Variants in ABR observed in about 807,000 individuals in gnomAD.
ABR encodes the protein active breakpoint cluster region-related protein.
A neutral mutation model predicts 107.2 loss-of-function variants in ABR; 35 were observed. The ratio of observed to expected loss-of-function variants is 0.33; its 90% CI spans 0.25 to 0.43. The LOEUF (loss-of-function observed/expected upper bound fraction) is 0.43. Ranked by LOEUF, ABR falls within the 20% of genes least tolerant of loss-of-function variation. The pLI is 1.00. For missense variants in ABR, 815 were observed against 1,115.2 expected, an observed-to-expected ratio of 0.73 and a Z score of 3.83; for synonymous variants, 498 against 462.0, an observed-to-expected ratio of 1.08 and a Z score of -1.00.
intron 16 of ABR, among the ~76,000 whole-genome samples, chr17:1,033,056 T>G (rs2072930108): frequency 6.6e-6 from 1 of 151,194 alleles, no homozygotes; most frequent in African/African-American, 2.4e-5. Flanking sequence ...GATGGGGAGG[T>G]CCCTCCAAAG....
At chr17:1,074,806 C>T (rs1156643435) in intron 6 of ABR, among the ~76,000 whole-genome samples, 5 of 152,174 alleles carry the variant, frequency 3.3e-5, no homozygotes, top group African/African-American at 1.2e-4. Flanking sequence ...ATTAGCCAGG[C>T]GTGGTGGCAC....
At chr17:1,201,278 G>A (rs895096656) in intron 1 of ABR, among the ~76,000 whole-genome samples, 3 of 152,102 alleles carry the variant, frequency 2.0e-5, no homozygotes, top group African/African-American at 4.8e-5. Flanking sequence ...CCCGGTTCAC[G>A]GCCTGGTGTC....
Position 1,037,659 on chromosome 17 carries a change from T to C in ABR, c.1791+12391A>G, listed in dbSNP as rs926776887. On this transcript the variant is annotated intron_variant, in intron 16 of 22. Coordinates refer to ENST00000302538, the MANE Select transcript of ABR (RefSeq NM_021962.5). The surrounding 1 kb of genome is among the most constrained non-coding windows in gnomAD (Gnocchi z 4.6). ...GAGCCCCCCTGGGCTGCTTGCCTGC[T>C]CCTCCTCCCGGGAAGGAGGGGGTGT... is the stretch of plus-strand genomic sequence containing the variant. 6.6e-6 allele frequency among the ~76,000 whole-genome samples: 1 copy of C among 151,930 alleles called. No individual in the cohort carries two copies. Among genetic ancestry groups the C allele is most frequent in the African/African-American group, 2.4e-5 (1 of 41,358 alleles).
At chr17:1,104,605 C>T (rs1321319390) in intron 2 of ABR, among the ~76,000 whole-genome samples, 3 of 152,214 alleles carry the variant, frequency 2.0e-5, no homozygotes, top group Non-Finnish European at 2.9e-5. Flanking sequence ...GGTGGCCGTG[C>T]CTGGGGCTTA....
chr17:1,032,845 C>T (rs780838369), intron 16 of ABR, among the ~76,000 whole-genome samples: 18 of 152,198 alleles, frequency 1.2e-4, no homozygotes, highest in Non-Finnish European at 1.6e-4. Flanking sequence ...TCTGGGGCCT[C>T]GGACCTCTGC....
chr17:1,212,083 G>GA (rs58750976), intron 1 of ABR, among the ~76,000 whole-genome samples: 2 of 144,692 alleles, frequency 1.4e-5, no homozygotes, highest in African/African-American at 5.3e-5. Context: ...ACCCCATCTC[G>GA]AAAAAAAAAA....
intron 2 of ABR, among the ~76,000 whole-genome samples, chr17:1,122,616 T>C (rs1040405317): frequency 3.3e-5 from 5 of 152,218 alleles, no homozygotes; most frequent in African/African-American, 9.7e-5. Context: ...TCCCTGGCTC[T>C]CCTAGCTCTC....
rs548349219 is a variant in ABR, at chr17:1,021,608, A to G, written c.1792-8444T>C. The stretch of plus-strand genomic sequence containing the variant: ...ATCACAAGGTCAGGAGATCGAGACC[A>G]ACCTGACCAACGTGGCGAAACCCCG... On this transcript the variant is annotated intron_variant, in intron 16 of 22. Coordinates refer to ENST00000302538, the MANE Select transcript of ABR (RefSeq NM_021962.5). 1.9e-4 allele frequency among the ~76,000 whole-genome samples: 28 copies of G among 150,956 alleles called. No individual in the cohort carries two copies. The East Asian group carries it at 2.4e-3, about 13-fold the overall frequency.
chr17:1,193,505 TCTCA>T (rs1330624051), intron 1 of ABR, among the ~76,000 whole-genome samples: 2 of 152,052 alleles, frequency 1.3e-5, no homozygotes, highest in Admixed American at 6.6e-5. Context: ...AGAGCCAAGT[TCTCA>T]CTCGGGTCTG....
chr17:1,011,866 A>G lies in ABR; in HGVS notation c.2081T>C (p.Leu694Pro). The change falls in exon 19 of 23, where the codon CTC (leucine) becomes CCC (proline). Residue 694 changes from leucine (L) to proline (P), a missense_variant. Coordinates refer to ENST00000302538, the MANE Select transcript of ABR (RefSeq NM_021962.5). The surrounding 1 kb of genome is among the most constrained non-coding windows in gnomAD (Gnocchi z 4.8). ...ISGVATDIQA[L>P]KAVFDANNKD... ...CTCACTGGCATCGAAGACGGCCTTG[A>G]GCGCCTGGATGTCCGTGGCCACGCC... 6.3e-7 allele frequency: 1 copy of G among 1,587,740 alleles called. No homozygotes were observed.
intron 1 of ABR, among the ~76,000 whole-genome samples, chr17:1,169,207 G>C (rs936776824): frequency 6.6e-6 from 1 of 152,226 alleles, no homozygotes; most frequent in African/African-American, 2.4e-5. Flanking sequence ...GAGCAGAGGA[G>C]GGCAGAGAAG....
chr17:1,012,594 C>A, intron 18 of ABR, 94 bp downstream of exon 18: 1 of 915,150 alleles, frequency 1.1e-6, no homozygotes, highest in Non-Finnish European at 1.7e-6. Context: ...GATTAGGTGC[C>A]AGGATGGGCA....
rs1025845051 is a variant in ABR at position 1,152,591 on chromosome 17, C to CA, written c.61+27075dup. Among the ~76,000 whole-genome samples, 366 of 127,812 alleles carry CA rather than the reference C, an allele frequency of 2.9e-3. 1 individual carries two copies. The highest frequency in any genetic ancestry group is 5.8e-3 in the African/African-American group (202 of 34,620). The allele number at this position is 127,812 out of a possible 152,430, so 83.8% of individuals were successfully genotyped here. On this transcript the variant is annotated intron_variant, in intron 1 of 22. Transcript: ENST00000302538. Reference sequence around the variant, plus strand: ...GGAGAACAAGAGTGAAACTCTGTCTCAAAAAAAAAAAAAGACAGGACAGTG... The same window carrying CA: ...GGAGAACAAGAGTGAAACTCTGTCTCAAAAAAAAAAAAAAGACAGGACAGTG...
intron 1 of ABR, among the ~76,000 whole-genome samples, chr17:1,127,785 C>CG (rs927008806): frequency 3.9e-5 from 6 of 152,170 alleles, no homozygotes; most frequent in Non-Finnish European, 7.4e-5. Context: ...CCAAGATCAA[C>CG]GGGGGGGAAG....
chr17:1,016,016 G>A (rs1231351592), intron 16 of ABR, among the ~76,000 whole-genome samples: 1 of 152,162 alleles, frequency 6.6e-6, no homozygotes, highest in African/African-American at 2.4e-5. Context: ...GTAGGACCAT[G>A]TCTCTAAAAT....
intron 5 of ABR, among the ~76,000 whole-genome samples, chr17:1,081,829 G>A (rs1331255745): frequency 1.3e-5 from 2 of 151,772 alleles, no homozygotes; most frequent in Admixed American, 6.6e-5. Flanking sequence ...CGCCCGCCTC[G>A]GCCTCCCAAA....
At chr17:1,180,496 A>C (rs2042100171), upstream of ABR, among the ~76,000 whole-genome samples, 1 of 151,878 alleles carries the variant, frequency 6.6e-6, no homozygotes, top group Non-Finnish European at 1.5e-5. Context: ...TTCCCGCCAC[A>C]CATGGAGGGG....
In ABR at chr17:1,076,721, G is replaced by C. The variant is rs1219829847; in HGVS notation, c.700+2609C>G. On this transcript the variant is annotated intron_variant, in intron 6 of 22. Transcript: ENST00000302538. ...GCCAGGAGGGCAGGTGCACGGGGGGGGTGGGGGTGGGGGGGGTGGCGGCAC... is the reference window on the plus strand; with the variant it reads ...GCCAGGAGGGCAGGTGCACGGGGGGCGTGGGGGTGGGGGGGGTGGCGGCAC... Among the ~76,000 whole-genome samples, 6 of 42,070 alleles carry C rather than the reference G, an allele frequency of 1.4e-4. 1 individual carries two copies. In the East Asian group the frequency reaches 1.5e-3, roughly 10 times the overall value. 27.6% of individuals were successfully genotyped at this position (42,070 alleles called of 152,430 possible).
At chr17:1,141,106 G>T (rs746330513) in intron 1 of ABR, among the ~76,000 whole-genome samples, 11 of 152,210 alleles carry the variant, frequency 7.2e-5, no homozygotes, top group Non-Finnish European at 1.5e-4. Flanking sequence ...AGCTGAAGCC[G>T]AGTGGGTGTC....
Sources: gnomAD v4.1 joint callset for allele counts (sites outside exome capture counted in the v4.1 genomes callset) on GRCh38, gnomAD v4.1.1 for gene constraint, Gnocchi (gnomAD v3.1) non-coding constraint, MANE v1.5 for transcripts, NCBI Gene and HGNC (gene_info 2026-07-23, HGNC 2026-07-21) for gene names.